ITPRID1: variants seen among roughly 807,000 people sequenced by gnomAD.
The protein encoded by ITPRID1 is ITPR interacting domain containing 1, also known as protein ITPRID1.
ITPRID1 carries 96 observed loss-of-function variants against 95.4 expected under a neutral mutation model. That is an observed-to-expected ratio of 1.01 (90% CI 0.85 to 1.19). ITPRID1 has a LOEUF of 1.19. ITPRID1 is among the 50% of genes most tolerant of loss of function. The pLI, the probability that ITPRID1 is intolerant of heterozygous loss-of-function variation, is 0.00. For synonymous variants in ITPRID1, 510 were observed against 453.6 expected, an observed-to-expected ratio of 1.12 and a Z score of -1.58; for missense variants, 1,339 against 1,252.9, an observed-to-expected ratio of 1.07 and a Z score of -1.04.
chr7:31,546,738 T>G (rs920640933), intron 1 of ITPRID1, among the ~76,000 whole-genome samples: 1 of 152,092 alleles, frequency 6.6e-6, no homozygotes, highest in Non-Finnish European at 1.5e-5. Flanking sequence ...CTGAAGAAAA[T>G]CTCACGATGG....
At chr7:31,577,830 A>T (rs763800021) in intron 8 of ITPRID1, 33 bp from the exon 9 acceptor site, 4 of 1,515,566 alleles carry the variant, frequency 2.6e-6, no homozygotes, top group Non-Finnish European at 2.7e-6. Context: ...AAAAGACCCA[A>T]TCTGAAACTT....
chr7:31,639,056 T>A (rs560130047), intron 10 of ITPRID1, among the ~76,000 whole-genome samples: 7 of 152,282 alleles, frequency 4.6e-5, no homozygotes, highest in African/African-American at 9.6e-5. Context: ...GGATTACAGG[T>A]GTGAGCCACT....
Position 31,642,821 on chromosome 7 carries a change from CTT to C in ITPRID1, c.1455_1456del (p.Ser486LysfsTer23). 6.2e-7 allele frequency: 1 copy of C among 1,613,814 alleles called. No homozygotes were observed. Among genetic ancestry groups the C allele is most frequent in the Non-Finnish European group, 8.5e-7 (1 of 1,179,798 alleles). On this transcript the variant is annotated frameshift_variant, in exon 12 of 15. Transcript: ENST00000615280. LOFTEE classifies it high-confidence loss of function. ...GATTCCAAAAGTAGGGCGAGCATGTCTTTTTCAAGCCAAGAAGCGAATGCCTT... is the reference window on the plus strand; with the variant it reads ...GATTCCAAAAGTAGGGCGAGCATGTCTTTCAAGCCAAGAAGCGAATGCCTT...
chr7:31,574,637 C>T lies in ITPRID1; in HGVS notation c.493C>T (p.Pro165Ser), dbSNP rs757614338. 6 of 1,613,738 alleles carry T rather than the reference C, an allele frequency of 3.7e-6. No homozygotes were observed. Among genetic ancestry groups the T allele is most frequent in the Non-Finnish European group, 5.1e-6 (6 of 1,179,836 alleles). The change falls in exon 8 of 15, where the codon CCA (proline) becomes TCA (serine). Residue 165 changes from proline to serine, a missense_variant. Physicochemically the swap from Pro to Ser is moderately conservative, Grantham distance 74 (BLOSUM62 -1). Coordinates refer to ENST00000615280, the MANE Select transcript of ITPRID1 (RefSeq NM_001257967.3). ...TGAGCCAGACATCTGCATGCAAATC[C>T]CAGCCAGATTCCTTGGTTGTGGCTC... ...ADEPDICMQI[P>S]ARFLGCGSAA...
Position 31,578,134 on chromosome 7 carries a change from A to G in ITPRID1, c.870A>G (p.Pro290=), listed in dbSNP as rs368881766. 1.9e-6 allele frequency: 3 copies of G among 1,613,810 alleles called. No individual in the cohort carries two copies. Among genetic ancestry groups the G allele is most frequent in the Non-Finnish European group, 2.5e-6 (3 of 1,179,830 alleles). The stretch of plus-strand genomic sequence containing the variant: ...AAGTTTTTGTTCCCTTTACAAAACC[A>G]TGGGATTGTGGAGCAGAGCTAGCAG... ...KDEVFVPFTK[P]WDCGAELAAT... is the part of the protein sequence containing the mutation. Residue 290 remains proline, a synonymous_variant, in exon 9 of 15, where the codon CCA becomes CCG. Coordinates refer to ENST00000615280, the MANE Select transcript of ITPRID1 (RefSeq NM_001257967.3).
At position 31,580,238 on chromosome 7, in the gene ITPRID1, C is replaced by G. The variant is rs1177984974; in HGVS notation, c.1170+1804C>G. Among the ~76,000 whole-genome samples the G allele has an allele frequency of 2.8e-5, 4 of 145,152 alleles. No homozygotes were observed. In the East Asian group the frequency reaches 8.1e-4, roughly 29 times the overall value. On this transcript the variant is annotated intron_variant, in intron 9 of 14. Transcript: ENST00000615280. The stretch of plus-strand genomic sequence containing the variant: ...ACTTGAACCCGGGAGGTGGAGGTTG[C>G]AGTGAGCCGAGATCGCACCACTGCT...
At chr7:31,615,193 T>C (rs894747868) in intron 10 of ITPRID1, among the ~76,000 whole-genome samples, 3 of 152,112 alleles carry the variant, frequency 2.0e-5, no homozygotes, top group Non-Finnish European at 4.4e-5. Context: ...TATTTTCCCA[T>C]TTAGTCTTTG....
At chr7:31,602,115 G>A (rs1310824701) in intron 10 of ITPRID1, among the ~76,000 whole-genome samples, 2 of 151,962 alleles carry the variant, frequency 1.3e-5, no homozygotes, top group African/African-American at 4.8e-5. Flanking sequence ...AGCCCCGAAC[G>A]ACTTACACAG....
intron 10 of ITPRID1, among the ~76,000 whole-genome samples, chr7:31,615,997 C>A (rs1252624088): frequency 6.6e-6 from 1 of 152,068 alleles, no homozygotes; most frequent in Non-Finnish European, 1.5e-5. Flanking sequence ...CCCGCCTCAG[C>A]CTCCCAAAGT....
At chr7:31,530,690 G>A (rs1029017409) in intron 1 of ITPRID1, among the ~76,000 whole-genome samples, 2 of 151,994 alleles carry the variant, frequency 1.3e-5, no homozygotes. Flanking sequence ...TTGAAAACTT[G>A]CCTAATTATC....
At chr7:31,595,647 G>A (rs950229068) in intron 10 of ITPRID1, among the ~76,000 whole-genome samples, 2 of 152,116 alleles carry the variant, frequency 1.3e-5, no homozygotes, top group African/African-American at 4.8e-5. Flanking sequence ...AGCACTGATT[G>A]TTTTTATTAT....
intron 9 of ITPRID1, among the ~76,000 whole-genome samples, chr7:31,582,881 C>A (rs1435445533): frequency 6.6e-6 from 1 of 152,066 alleles, no homozygotes; most frequent in African/African-American, 2.4e-5. Flanking sequence ...ATGTAAATTT[C>A]TTTCAAATGC....
chr7:31,604,794 G>A (rs1273958173), intron 10 of ITPRID1, among the ~76,000 whole-genome samples: 1 of 152,110 alleles, frequency 6.6e-6, no homozygotes, highest in Non-Finnish European at 1.5e-5. Flanking sequence ...ATAGGAAATC[G>A]AGAACCCTTT....
chr7:31,590,381 T>TA, intron 10 of ITPRID1, among the ~76,000 whole-genome samples: 1 of 152,250 alleles, frequency 6.6e-6, no homozygotes, highest in African/African-American at 2.4e-5. Flanking sequence ...ATGAATATAA[T>TA]AAACAAAATG....
chr7:31,555,985 A>G (rs7790156), intron 5 of ITPRID1, among the ~76,000 whole-genome samples: 151,912 of 152,294 alleles, frequency 1, 75,766 homozygotes, highest in East Asian at 1. Context: ...GCTCATAATA[A>G]TTCAGACTCA....
Position 31,590,064 on chromosome 7 carries a change from A to C in ITPRID1, c.1228+6873A>C, listed in dbSNP as rs1008093. Reference sequence around the variant, plus strand: ...CATATATATGTGTGTATATATATACACACATATATAGTTTGTTTTTTGAGG... The same window carrying C: ...CATATATATGTGTGTATATATATACCCACATATATAGTTTGTTTTTTGAGG... On this transcript the variant is annotated intron_variant, in intron 10 of 14. Transcript: ENST00000615280. 7.8e-4 allele frequency among the ~76,000 whole-genome samples: 119 copies of C among 152,180 alleles called. 4 individuals carry two copies. The South Asian group carries it at 0.022, about 28-fold the overall frequency.
Position 31,567,059 on chromosome 7 carries a change from A to G in ITPRID1, c.257-2699A>G, listed in dbSNP as rs1784825432. Among the ~76,000 whole-genome samples the G allele has an allele frequency of 1.3e-5, 2 of 152,188 alleles. 1 individual carries two copies. Among genetic ancestry groups the G allele is most frequent in the South Asian group, 4.1e-4 (2 of 4,834 alleles). Reference sequence around the variant, plus strand: ...TGATAAAACCTAGTGTTTTAAAACTACGAAGATAAAGGGGAAAAAAAGACT... The same window carrying G: ...TGATAAAACCTAGTGTTTTAAAACTGCGAAGATAAAGGGGAAAAAAAGACT... On this transcript the variant is annotated intron_variant, in intron 5 of 14. Transcript: ENST00000615280.
At chr7:31,601,438 A>G (rs901394259) in intron 10 of ITPRID1, among the ~76,000 whole-genome samples, 3 of 152,290 alleles carry the variant, frequency 2.0e-5, no homozygotes, top group East Asian at 1.9e-4. Context: ...CACCTTGACT[A>G]TCTTTTGGTT....
intron 2 of ITPRID1, among the ~76,000 whole-genome samples, 180 bp from the exon 3 acceptor site, chr7:31,552,822 C>T (rs1399352092): frequency 6.6e-6 from 1 of 152,100 alleles, no homozygotes; most frequent in Non-Finnish European, 1.5e-5. Flanking sequence ...GGGAAGGAAG[C>T]ATTTCACCAA....
Sources: gnomAD v4.1 joint callset for allele counts (sites outside exome capture counted in the v4.1 genomes callset) on GRCh38, gnomAD v4.1.1 for gene constraint, MANE v1.5 for transcripts, NCBI Gene and HGNC (gene_info 2026-07-23, HGNC 2026-07-21) for gene names.